CHI3L1: variants seen among roughly 807,000 people sequenced by gnomAD.
CHI3L1 encodes the protein chitinase-3-like protein 1.
CHI3L1 carries 30 observed loss-of-function variants against 40.7 expected under a neutral mutation model. The observed-to-expected ratio is 0.74, with a 90% CI of 0.55 to 1.00. The LOEUF is 1.00. Ranked by LOEUF, CHI3L1 falls within the 50% of genes least tolerant of loss-of-function variation. CHI3L1 has a pLI of 0.00. For missense variants in CHI3L1, 493 were observed against 492.2 expected (o/e 1.00, Z -0.01); for synonymous variants, 210 against 192.1 (o/e 1.09, Z -0.77).
intron 2 of CHI3L1, 60 bp from the exon 3 acceptor site, chr1:203,185,445 GC>G: frequency 1.4e-6 from 2 of 1,477,000 alleles, no homozygotes; most frequent in Non-Finnish European, 1.9e-6. Context: ...CTCAGGCTGA[GC>G]CCAGAGCTGA....
At chr1:203,182,668 G>A (rs1183630981) in intron 6 of CHI3L1, 63 bp downstream of exon 6, 15 of 1,599,602 alleles carry the variant, frequency 9.4e-6, no homozygotes, top group Middle Eastern at 2.0e-4. Flanking sequence ...AGGGCTGGGG[G>A]TGGCGGGGAA....
rs1340375786 is a variant in CHI3L1 at position 203,186,331 on chromosome 1, C to T, written c.40G>A (p.Val14Met). Residue 14 changes from valine (V) to methionine (M), a missense_variant, in exon 2 of 10, where the codon GTG (valine) becomes ATG (methionine). Transcript: ENST00000255409. ...GATTACTCACAGCACTGGAGCAGCA[C>T]CAGGACCACAAAGCCTGAAGAGAAA... ...KASQTGFVVLVLLQCCSAYKL... is the reference protein window; with the variant it reads ...KASQTGFVVLMLLQCCSAYKL... 6 of 1,592,466 alleles carry T rather than the reference C, an allele frequency of 3.8e-6. No homozygotes were observed. The Admixed American group carries it at 5.2e-5, about 14-fold the overall frequency.
intron 2 of CHI3L1, among the ~76,000 whole-genome samples, chr1:203,185,658 A>G (rs2102211674): frequency 6.6e-6 from 1 of 152,280 alleles, no homozygotes; most frequent in South Asian, 2.1e-4. Flanking sequence ...GTGTGGGGGA[A>G]GGGTAGGAGC....
rs1302873217 is a variant in CHI3L1, at chr1:203,185,305, G to A, written c.136C>T (p.Leu46Phe). The change falls in exon 3 of 10, where the codon CTT becomes TTT. Residue 46 changes from leucine to phenylalanine, a missense_variant. Coordinates refer to ENST00000255409, the MANE Select transcript of CHI3L1 (RefSeq NM_001276.4). ...ATGTGGGTACAGAGGAAGCGGTCAA[G>A]GGCATCTGGGAAGCAGCTCCCATCG... ...EGDGSCFPDALDRFLCTHIIY... is the reference protein window; with the variant it reads ...EGDGSCFPDAFDRFLCTHIIY... The A allele has an allele frequency of 3.1e-6, 5 of 1,614,082 alleles. No homozygotes were observed. The highest frequency in any genetic ancestry group is 1.7e-5 in the Admixed American group (1 of 60,008).
intron 4 of CHI3L1, 80 bp from the exon 5 acceptor site, chr1:203,183,871 C>G: frequency 1.3e-6 from 2 of 1,515,110 alleles, no homozygotes; most frequent in Non-Finnish European, 1.8e-6. Flanking sequence ...TTTCCAGGAC[C>G]TGCAGAGCTG....
At chr1:203,186,236 G>A (rs1171724129) in intron 2 of CHI3L1, 80 bp downstream of exon 2, 2 of 1,460,678 alleles carry the variant, frequency 1.4e-6, no homozygotes, top group African/African-American at 1.4e-5. Context: ...TGTTCCCTTG[G>A]AGCTAAGACC....
chr1:203,182,696 G>A (rs996246222), intron 6 of CHI3L1, 35 bp downstream of exon 6: 1 of 1,613,158 alleles, frequency 6.2e-7, no homozygotes. Context: ...TGTTGGCAGA[G>A]GTTCTGGGGA....
chr1:203,183,320 G>A (rs750970803), intron 5 of CHI3L1, among the ~76,000 whole-genome samples: 14 of 152,220 alleles, frequency 9.2e-5, no homozygotes, highest in Non-Finnish European at 1.8e-4. Flanking sequence ...GCTGGACACA[G>A]TGCATGCTGG....
Position 203,186,613 on chromosome 1 carries a change from T to G in CHI3L1, c.11A>C (p.Lys4Thr), listed in dbSNP as rs1240147893. 1 of 1,614,146 alleles carries G rather than the reference T, an allele frequency of 6.2e-7. No homozygotes were observed. Among genetic ancestry groups the G allele is most frequent in the Non-Finnish European group, 8.5e-7 (1 of 1,180,018 alleles). The change falls in exon 1 of 10, where the codon AAG (lysine) becomes ACG (threonine). Residue 4 changes from lysine (K) to threonine (T), a missense_variant. Physicochemically the swap from Lys to Thr is moderately conservative, Grantham distance 78. Coordinates refer to ENST00000255409, the MANE Select transcript of CHI3L1 (RefSeq NM_001276.4). ...AGCCCAGATACCTGTTTGAGACGCC[T>G]TCACACCCATTCTGGCTGCAGCAGA... MGV[K>T]ASQTGFVVLV...
intron 1 of CHI3L1, 113 bp downstream of exon 1, chr1:203,186,486 C>T (rs1417650877): frequency 6.5e-7 from 1 of 1,528,032 alleles, no homozygotes; most frequent in South Asian, 1.1e-5. Context: ...TCTGCTTCTC[C>T]TCCCCCTCTG....
At chr1:203,186,422 G>GT in intron 1 of CHI3L1, 77 bp from the exon 2 acceptor site, 1 of 1,538,280 alleles carries the variant, frequency 6.5e-7, no homozygotes. Flanking sequence ...AAGCAACTGA[G>GT]ACCCACCTCC....
In CHI3L1 at chr1:203,186,426, C is replaced by T. The variant is rs1427581273; in HGVS notation, c.26-81G>A. On this transcript the variant is annotated intron_variant, in intron 1 of 9. Coordinates refer to ENST00000255409, the MANE Select transcript of CHI3L1 (RefSeq NM_001276.4). ...CTCCCTCCCCCAAGCAACTGAGACC[C>T]ACCTCCCCCACCCCCACCTCCTGGT... 9 of 1,507,062 alleles carry T rather than the reference C, an allele frequency of 6.0e-6. No homozygotes were observed. In the East Asian group the frequency reaches 7.3e-5, roughly 12 times the overall value. The allele number at this position is 1,507,062 out of a possible 1,614,324, so 93.4% of individuals were successfully genotyped here. A position where few individuals can be genotyped will look rare whatever the true frequency, so the allele number is the denominator to read the frequency against.
intron 6 of CHI3L1, chr1:203,182,006 C>A: frequency 6.6e-6 from 1 of 152,498 alleles, no homozygotes; most frequent in Non-Finnish European, 1.5e-5. Flanking sequence ...ACACCCGCAC[C>A]GGTGAGCCCA....
At position 203,180,727 on chromosome 1, in the gene CHI3L1, C is replaced by T. The variant is rs937918523; in HGVS notation, c.712-75G>A. 8.1e-6 allele frequency: 9 copies of T among 1,115,994 alleles called. No individual in the cohort carries two copies. In the African/African-American group the frequency reaches 1.4e-4, roughly 18 times the overall value. The allele number at this position is 1,115,994 out of a possible 1,614,324, so 69.1% of individuals were successfully genotyped here. A position where few individuals can be genotyped will look rare whatever the true frequency, so the allele number is the denominator to read the frequency against. ...GAAGGTTGAGCAATTAATACTGCTG[C>T]CTTAGCAGGGGTTATTGGTGTATGG... On this transcript the variant is annotated intron_variant, in intron 7 of 9. Transcript: ENST00000255409.
chr1:203,182,584 G>A (rs1023608712), intron 6 of CHI3L1, 147 bp downstream of exon 6: 3 of 843,620 alleles, frequency 3.6e-6, no homozygotes, highest in Non-Finnish European at 5.7e-6. Context: ...GAAGTGACTT[G>A]CTCAAGGTCA....
At chr1:203,179,711 G>A (rs753285691) in intron 9 of CHI3L1, 50 bp downstream of exon 9, 41 of 1,613,984 alleles carry the variant, frequency 2.5e-5, no homozygotes, top group Non-Finnish European at 3.5e-5. Context: ...GCTGGGAGCG[G>A]GGCCTCCTTC....
chr1:203,179,598 G>A lies in CHI3L1; in HGVS notation c.1012-13C>T, dbSNP rs1246728509. The A allele has an allele frequency of 1.9e-6, 3 of 1,612,416 alleles. No homozygotes were observed. The highest frequency in any genetic ancestry group is 1.1e-5 in the South Asian group (1 of 91,072). On this transcript the variant is annotated splice_polypyrimidine_tract_variant and intron_variant, in intron 9 of 9. Transcript: ENST00000255409. ...TCAGGTACTGCACCTGGCAGGGGAG[G>A]CCCAGAGGAGCAGGGCTGGGTTCCC... is the stretch of plus-strand genomic sequence containing the variant.
In CHI3L1 at chr1:203,179,081, G is replaced by T. The variant is rs1377590326; in HGVS notation, c.*364C>A. On this transcript the variant is annotated 3_prime_UTR_variant, in exon 10 of 10. Transcript: ENST00000255409. ...GGTCACTGTGTCTTGTAGGATGTTT[G>T]GCTCCTTGGTGATAGAGCTTGCCAA... The T allele has an allele frequency of 5.5e-6, 1 of 183,124 alleles. No individual in the cohort carries two copies. Among genetic ancestry groups the T allele is most frequent in the Non-Finnish European group, 1.1e-5 (1 of 87,074 alleles). The allele number at this position is 183,124 out of a possible 1,614,324, so 11.3% of individuals were successfully genotyped here. A position where few individuals can be genotyped will look rare whatever the true frequency, so the allele number is the denominator to read the frequency against.
chr1:203,186,138 G>C (rs1047117124), intron 2 of CHI3L1, among the ~76,000 whole-genome samples, 178 bp downstream of exon 2: 4 of 152,144 alleles, frequency 2.6e-5, no homozygotes, highest in African/African-American at 9.7e-5. Flanking sequence ...AAAGAGTATA[G>C]CAAAATAAAC....
Sources: gnomAD v4.1 joint callset for allele counts (sites outside exome capture counted in the v4.1 genomes callset) on GRCh38, gnomAD v4.1.1 for gene constraint, MANE v1.5 for transcripts, NCBI Gene and HGNC (gene_info 2026-07-23, HGNC 2026-07-21) for gene names.